The following PFDN1 variants were observed in gnomAD, a reference collection of about 807,000 sequenced individuals.
PFDN1 encodes prefoldin 1.
A neutral mutation model predicts 17.3 loss-of-function variants in PFDN1; 6 were observed. The ratio of observed to expected loss-of-function variants is 0.35; its 90% confidence interval spans 0.19 to 0.69. The LOEUF (loss-of-function observed/expected upper bound fraction) is 0.69, where lower values mean the gene tolerates loss of function less well. Ranked by LOEUF, PFDN1 falls within the 30% of genes least tolerant of loss-of-function variation. The probability of loss-of-function intolerance (pLI) is 0.65; values close to 1 mark genes in which losing one functional copy is unlikely to be tolerated. For synonymous variants in PFDN1, 58 were observed against 50.1 expected (o/e 1.16, Z -0.67); for missense variants, 113 against 146.2 (o/e 0.77, Z 1.17).
chr5:140,271,142 C>T (rs990640675), intron 3 of PFDN1, among the ~76,000 whole-genome samples: 4 of 152,036 alleles, frequency 2.6e-5, no homozygotes, highest in African/African-American at 9.7e-5. Context: ...CTTTTTCAGA[C>T]CTATACCAAC....
intron 3 of PFDN1, chr5:140,262,500 A>G (rs1765078902): frequency 2.2e-6 from 1 of 456,062 alleles, no homozygotes. Flanking sequence ...CATGGCTATT[A>G]GAAAATAAGA....
intron 2 of PFDN1, among the ~76,000 whole-genome samples, chr5:140,298,472 A>G (rs749038081): frequency 3.0e-4 from 46 of 151,362 alleles, no homozygotes; most frequent in Non-Finnish European, 6.0e-4. Context: ...CCTCCCCCCA[A>G]CTTAAAAAAA....
At chr5:140,248,734 A>G (rs1409418092) in intron 3 of PFDN1, among the ~76,000 whole-genome samples, 2 of 152,238 alleles carry the variant, frequency 1.3e-5, no homozygotes, top group Non-Finnish European at 2.9e-5. Context: ...AGCTTTAAAA[A>G]TTCCTTCTTC....
At chr5:140,270,382 A>G (rs1216693322) in intron 3 of PFDN1, among the ~76,000 whole-genome samples, 1 of 152,196 alleles carries the variant, frequency 6.6e-6, no homozygotes, top group East Asian at 1.9e-4. Flanking sequence ...ATGGGGACAG[A>G]TAAGTATTCC....
At chr5:140,283,958 G>A (rs1765449124) in intron 2 of PFDN1, among the ~76,000 whole-genome samples, 1 of 152,086 alleles carries the variant, frequency 6.6e-6, no homozygotes, top group South Asian at 2.1e-4. Flanking sequence ...TGGCCAATGA[G>A]TACTATTCTC....
intron 3 of PFDN1, among the ~76,000 whole-genome samples, chr5:140,275,697 A>G (rs1268223922): frequency 6.6e-6 from 1 of 152,118 alleles, no homozygotes. Context: ...GTAAAAGGGA[A>G]CCTAGCAAAT....
chr5:140,293,836 C>T (rs141120149), intron 2 of PFDN1, among the ~76,000 whole-genome samples: 47 of 152,168 alleles, frequency 3.1e-4, no homozygotes, highest in African/African-American at 9.9e-4. Flanking sequence ...GTGTGCCCAT[C>T]TGGGGTTATA....
chr5:140,299,281 T>C (rs1042594772), intron 2 of PFDN1, among the ~76,000 whole-genome samples: 2 of 152,146 alleles, frequency 1.3e-5, no homozygotes, highest in African/African-American at 2.4e-5. Flanking sequence ...TACCTAATCA[T>C]AGACAGAACA....
intron 3 of PFDN1, among the ~76,000 whole-genome samples, chr5:140,270,867 A>ACCACCTGGGAG (rs1561503036): frequency 6.6e-6 from 1 of 152,136 alleles, no homozygotes; most frequent in Non-Finnish European, 1.5e-5. Flanking sequence ...TGGAGCTTGC[A>ACCACCTGGGAG]GTGAGCCAAG....
chr5:140,256,383 C>A (rs1472249468), intron 3 of PFDN1, among the ~76,000 whole-genome samples: 1 of 149,128 alleles, frequency 6.7e-6, no homozygotes, highest in Non-Finnish European at 1.5e-5. Flanking sequence ...CCATCTCAAA[C>A]AACAACAACA....
At chr5:140,286,343 C>T (rs1378172363) in intron 2 of PFDN1, among the ~76,000 whole-genome samples, 1 of 142,520 alleles carries the variant, frequency 7.0e-6, no homozygotes, top group African/African-American at 2.6e-5. Flanking sequence ...ACCCATGAGA[C>T]GGAGGTTGCA....
chr5:140,281,130 T>C (rs1466806961), intron 3 of PFDN1: 7 of 210,888 alleles, frequency 3.3e-5, no homozygotes. Flanking sequence ...TGTTTAAATA[T>C]ACATTACATT....
At chr5:140,246,150 T>C in intron 3 of PFDN1, 93 bp from the exon 4 acceptor site, 1 of 802,296 alleles carries the variant, frequency 1.2e-6, no homozygotes, top group Non-Finnish European at 2.1e-6. Flanking sequence ...TGGCTTTTCC[T>C]TTGTGACAGG....
chr5:140,288,768 T>G (rs1359559549), intron 2 of PFDN1, among the ~76,000 whole-genome samples: 1 of 151,982 alleles, frequency 6.6e-6, no homozygotes, highest in Non-Finnish European at 1.5e-5. Context: ...GCAGATCACC[T>G]GAGGTCTGTA....
At chr5:140,255,006 G>C (rs1764965049) in intron 3 of PFDN1, among the ~76,000 whole-genome samples, 1 of 152,168 alleles carries the variant, frequency 6.6e-6, no homozygotes, top group Non-Finnish European at 1.5e-5. Context: ...GTTGCTGGAG[G>C]AAAATGCTAA....
At chr5:140,292,887 G>T (rs142596609) in intron 2 of PFDN1, 2 of 152,044 alleles carry the variant, frequency 1.3e-5, no homozygotes, top group East Asian at 3.8e-4. Context: ...TCATATATAT[G>T]AACTGACTCA....
intron 3 of PFDN1, among the ~76,000 whole-genome samples, chr5:140,272,468 C>T (rs1382838593): frequency 1.3e-5 from 2 of 149,598 alleles, no homozygotes; most frequent in African/African-American, 2.5e-5. Flanking sequence ...TCAAGCAATT[C>T]TCGGCCTCAG....
intron 3 of PFDN1, among the ~76,000 whole-genome samples, chr5:140,278,838 G>A (rs1009220912): frequency 6.6e-6 from 1 of 152,080 alleles, no homozygotes; most frequent in Admixed American, 6.5e-5. Flanking sequence ...GTGCACATGT[G>A]GGGGTGTGCT....
chr5:140,278,058 T>C (rs1765326521), intron 3 of PFDN1, among the ~76,000 whole-genome samples: 1 of 151,352 alleles, frequency 6.6e-6, no homozygotes. Flanking sequence ...CTACTAAAGA[T>C]ACAAAAAGTA....
Sources: allele counts gnomAD v4.1 joint callset (sites outside exome capture counted in the v4.1 genomes callset), GRCh38; gene constraint gnomAD v4.1.1; transcripts MANE v1.5; gene names NCBI Gene and HGNC (gene_info 2026-07-23, HGNC 2026-07-21).